Variants in NR3C1 observed in about 807,000 individuals in gnomAD.
NR3C1 encodes the protein glucocorticoid receptor.
In NR3C1, 14 loss-of-function variants were observed where a neutral mutation model predicts 74.0. That is an observed-to-expected ratio of 0.19 (90% CI 0.12 to 0.30). The LOEUF is 0.30. NR3C1 is among the 10% of genes least tolerant of loss of function. NR3C1 has a pLI of 1.00. For synonymous variants in NR3C1, 308 were observed against 332.5 expected (o/e 0.93, Z 0.80); for missense variants, 695 against 909.8 (o/e 0.76, Z 3.04).
chr5:143,430,934 C>G (rs531194936), intron 1 of NR3C1, among the ~76,000 whole-genome samples: 1 of 152,160 alleles, frequency 6.6e-6, no homozygotes, highest in Non-Finnish European at 1.5e-5. Flanking sequence ...AAAACACAGT[C>G]CCACATTATA....
At chr5:143,404,735 C>T (rs961561524), upstream of NR3C1, 23 of 164,012 alleles carry the variant, frequency 1.4e-4, no homozygotes, top group African/African-American at 5.5e-4. Context: ...AAGCAAGTTG[C>T]AGGCGAAATA....
In NR3C1 at chr5:143,281,914, T is replaced by C. The variant is rs751136795; in HGVS notation, c.2309A>G (p.Lys770Arg). Residue 770 changes from lysine to arginine, a missense_variant, in exon 9 of 9, where the codon AAA becomes AGA. Coordinates refer to ENST00000394464, the MANE Select transcript of NR3C1 (RefSeq NM_000176.3). Reference sequence around the variant, plus strand: ...TCACTTTTGATGAAACAGAAGTTTTTTGATATTTCCATTTGAATATTTTGG... The same window carrying C: ...TCACTTTTGATGAAACAGAAGTTTTCTGATATTTCCATTTGAATATTTTGG... ...QIPKYSNGNI[K>R]KLLFHQK The C allele has an allele frequency of 2.5e-6, 4 of 1,613,630 alleles. No homozygotes were observed. In the Admixed American group the frequency reaches 5.0e-5, roughly 20 times the overall value.
chr5:143,364,532 G>A (rs894570486), intron 2 of NR3C1, among the ~76,000 whole-genome samples: 9 of 151,984 alleles, frequency 5.9e-5, no homozygotes, highest in Admixed American at 2.0e-4. Flanking sequence ...TCTCCGTATC[G>A]GATTCTAAAG....
At chr5:143,295,356 G>A in intron 7 of NR3C1, 104 bp downstream of exon 7, 1 of 1,485,800 alleles carries the variant, frequency 6.7e-7, no homozygotes, top group Non-Finnish European at 9.0e-7. Context: ...GGAAATAATA[G>A]TAGACTTGGT....
intron 4 of NR3C1, among the ~76,000 whole-genome samples, chr5:143,309,167 G>A (rs951881919): frequency 1.4e-5 from 2 of 147,810 alleles, no homozygotes; most frequent in Non-Finnish European, 3.0e-5. Flanking sequence ...TCTGCCTCCC[G>A]GGTTCAAGTG....
intron 7 of NR3C1, among the ~76,000 whole-genome samples, chr5:143,289,632 A>G (rs1313350573): frequency 2.0e-5 from 3 of 152,232 alleles, no homozygotes; most frequent in Admixed American, 1.3e-4. Context: ...TGCAAAACAT[A>G]TATTTAACAA....
chr5:143,393,866 C>T (rs1268802960), intron 2 of NR3C1, among the ~76,000 whole-genome samples: 1 of 151,962 alleles, frequency 6.6e-6, no homozygotes, highest in African/African-American at 2.4e-5. Context: ...AGAATAAAGG[C>T]TAATTTTATT....
At chr5:143,393,477 T>C (rs1838660759) in intron 2 of NR3C1, among the ~76,000 whole-genome samples, 1 of 152,166 alleles carries the variant, frequency 6.6e-6, no homozygotes, top group Non-Finnish European at 1.5e-5. Context: ...TTTGGACTTT[T>C]AGTTGAGTAT....
At chr5:143,291,468 C>CCTGCCT (rs1383614554) in intron 7 of NR3C1, among the ~76,000 whole-genome samples, 2 of 152,054 alleles carry the variant, frequency 1.3e-5, no homozygotes, top group African/African-American at 4.8e-5. Context: ...CTGTGATCTG[C>CCTGCCT]CTGCCTCAGC....
intron 2 of NR3C1, among the ~76,000 whole-genome samples, chr5:143,334,493 C>T (rs921000915): frequency 3.9e-5 from 6 of 152,108 alleles, no homozygotes; most frequent in South Asian, 2.1e-4. Context: ...CATCTGAAAT[C>T]GGCACATTCC....
chr5:143,309,649 C>T (rs1218158337), intron 4 of NR3C1, among the ~76,000 whole-genome samples: 1 of 151,868 alleles, frequency 6.6e-6, no homozygotes, highest in South Asian at 2.1e-4. Flanking sequence ...TCCCACCACC[C>T]CCCGCTTGAA....
intron 6 of NR3C1, among the ~76,000 whole-genome samples, chr5:143,297,832 G>A (rs1351249135): frequency 1.3e-5 from 2 of 152,202 alleles, no homozygotes; most frequent in Non-Finnish European, 2.9e-5. Context: ...TGCTGGAAAG[G>A]ATGGATGGGA....
upstream of NR3C1, among the ~76,000 whole-genome samples, chr5:143,407,637 T>C (rs1841159401): frequency 6.6e-6 from 1 of 152,242 alleles, no homozygotes. Flanking sequence ...TATATGGTCT[T>C]AGAGACTATG....
At chr5:143,377,248 A>G (rs943897878) in intron 2 of NR3C1, among the ~76,000 whole-genome samples, 2 of 152,206 alleles carry the variant, frequency 1.3e-5, no homozygotes, top group African/African-American at 4.8e-5. Flanking sequence ...TTGATTTGGC[A>G]GACAGGAAGG....
chr5:143,405,338 C>T (rs985975441), upstream of NR3C1: 11 of 985,640 alleles, frequency 1.1e-5, no homozygotes, highest in East Asian at 3.4e-4. Context: ...TCTCACCTCC[C>T]GCCGCGCTCA....
At chr5:143,393,987 T>C (rs929555085) in intron 2 of NR3C1, among the ~76,000 whole-genome samples, 3 of 152,070 alleles carry the variant, frequency 2.0e-5, no homozygotes, top group African/African-American at 7.2e-5. Flanking sequence ...CAAGGTAAGA[T>C]AATGCGTAAA....
At chr5:143,420,712 C>G (rs1387284052) in intron 1 of NR3C1, among the ~76,000 whole-genome samples, 1 of 152,254 alleles carries the variant, frequency 6.6e-6, no homozygotes, top group Admixed American at 6.5e-5. Context: ...CCCCCCACAA[C>G]AAAGAATTAC....
chr5:143,307,330 A>T (rs960094738), intron 4 of NR3C1, among the ~76,000 whole-genome samples: 1 of 152,226 alleles, frequency 6.6e-6, no homozygotes, highest in Non-Finnish European at 1.5e-5. Flanking sequence ...CTAGTACAGT[A>T]AGGGCAAAGG....
At chr5:143,367,025 G>A (rs932562112) in intron 2 of NR3C1, among the ~76,000 whole-genome samples, 18 of 152,102 alleles carry the variant, frequency 1.2e-4, no homozygotes, top group African/African-American at 3.6e-4. Context: ...CAAAATACTG[G>A]CAAACTGAAT....
Sources: allele counts gnomAD v4.1 joint callset (sites outside exome capture counted in the v4.1 genomes callset), GRCh38; gene constraint gnomAD v4.1.1; transcripts MANE v1.5; gene names NCBI Gene and HGNC (gene_info 2026-07-23, HGNC 2026-07-21).